The following NSUN6 variants were observed in gnomAD, a reference collection of about 807,000 sequenced individuals.
The protein encoded by NSUN6 is NOP2/Sun RNA methyltransferase 6.
Under a neutral mutation model 58.0 loss-of-function variants are expected in NSUN6, and 64 were observed. The observed-to-expected ratio is 1.10, with a 90% CI of 0.90 to 1.36. NSUN6 has a LOEUF of 1.36. NSUN6 is among the 40% of genes most tolerant of loss of function. The probability of loss-of-function intolerance (pLI) is 0.00; values close to 1 mark genes in which losing one functional copy is unlikely to be tolerated. For synonymous variants in NSUN6, 231 were observed against 193.9 expected, an observed-to-expected ratio of 1.19 and a Z score of -1.59; for missense variants, 701 against 550.1, an observed-to-expected ratio of 1.27 and a Z score of -2.74.
At chr10:18,658,388 G>A (rs1230704929), upstream of NSUN6, 1 of 152,200 alleles carries the variant, frequency 6.6e-6, no homozygotes, top group Non-Finnish European at 1.5e-5. Flanking sequence ...CCATCTGACT[G>A]AAGTCAGAGT....
At chr10:18,571,773 TCCATTCCATTCTCCATA>T (rs1331576371) in intron 8 of NSUN6, among the ~76,000 whole-genome samples, 1 of 151,644 alleles carries the variant, frequency 6.6e-6, no homozygotes, top group African/African-American at 2.4e-5. Context: ...CATTCTCCAT[TCCATTCCATTCTCCATA>T]CCATCCTCCA....
intron 8 of NSUN6, among the ~76,000 whole-genome samples, chr10:18,573,633 C>T (rs1330639235): frequency 1.3e-5 from 2 of 152,162 alleles, no homozygotes; most frequent in Admixed American, 6.6e-5. Flanking sequence ...GGATGACCTT[C>T]TCAAATCTGA....
chr10:18,572,780 CTCCAT>C lies in NSUN6; in HGVS notation c.922+13164_922+13168del, dbSNP rs562532856. 1.8e-3 allele frequency among the ~76,000 whole-genome samples: 277 copies of C among 149,792 alleles called. 2 individuals carry two copies. The highest frequency in any genetic ancestry group is 6.5e-3 in the African/African-American group (267 of 40,826). On this transcript the variant is annotated intron_variant, in intron 8 of 10. Coordinates refer to ENST00000377304, the MANE Select transcript of NSUN6 (RefSeq NM_182543.5). ...ATTCCATTCCCCATTCCATTTCAAA[CTCCAT>C]TCCATTCCATTCCATACTCCATTCC... is the stretch of plus-strand genomic sequence containing the variant.
At chr10:18,644,847 A>G (rs1231974461) in intron 2 of NSUN6, among the ~76,000 whole-genome samples, 1 of 149,398 alleles carries the variant, frequency 6.7e-6, no homozygotes, top group Admixed American at 6.7e-5. Context: ...CTCAAAAAAA[A>G]AACAAAAAAA....
chr10:18,653,021 T>C, upstream of NSUN6: 9 of 984,800 alleles, frequency 9.1e-6, no homozygotes, highest in Non-Finnish European at 1.1e-5. Flanking sequence ...ATGAGATTCT[T>C]TCATGGCTAA....
chr10:18,651,686 A>T (rs1188757822), upstream of NSUN6: 1 of 985,698 alleles, frequency 1.0e-6, no homozygotes, highest in African/African-American at 1.7e-5. Flanking sequence ...CCGGTCCCCC[A>T]ATCCACAGCC....
intron 5 of NSUN6, among the ~76,000 whole-genome samples, chr10:18,612,969 A>G (rs2058289067): frequency 6.6e-6 from 1 of 152,200 alleles, no homozygotes. Flanking sequence ...GTGTTGGTTT[A>G]AAATTTTTTA....
intron 3 of NSUN6, among the ~76,000 whole-genome samples, chr10:18,641,513 G>A (rs1015070879): frequency 4.0e-5 from 6 of 151,608 alleles, no homozygotes; most frequent in Admixed American, 2.0e-4. Flanking sequence ...CGACAGGTAA[G>A]CACCACCATA....
chr10:18,589,350 A>G (rs185167909), intron 7 of NSUN6, among the ~76,000 whole-genome samples: 2 of 152,328 alleles, frequency 1.3e-5, no homozygotes, highest in African/African-American at 4.8e-5. Context: ...ACACTTTAGG[A>G]TATCATCCAG....
At chr10:18,576,953 A>G (rs1478418608) in intron 8 of NSUN6, among the ~76,000 whole-genome samples, 1 of 152,210 alleles carries the variant, frequency 6.6e-6, no homozygotes, top group Non-Finnish European at 1.5e-5. Context: ...TCTCATGTCT[A>G]TTTAGACGCA....
rs1360117899 is a variant in NSUN6 at position 18,557,372 on chromosome 10, T to C, written c.923-5401A>G. ...ATGGAGGATGGTATGGAGAATGAAA[T>C]GGAGTGGAGAGTGGAATGGAAGGGA... On this transcript the variant is annotated intron_variant, in intron 8 of 10. Coordinates refer to ENST00000377304, the MANE Select transcript of NSUN6 (RefSeq NM_182543.5). Among the ~76,000 whole-genome samples, 7 of 143,746 alleles carry C rather than the reference T, an allele frequency of 4.9e-5. No individual in the cohort carries two copies. In the South Asian group the frequency reaches 1.3e-3, roughly 27 times the overall value. The allele number at this position is 143,746 out of a possible 152,430, so 94.3% of individuals were successfully genotyped here. A position where few individuals can be genotyped will look rare whatever the true frequency, so the allele number is the denominator to read the frequency against.
chr10:18,637,110 G>C (rs1486449701), intron 3 of NSUN6, among the ~76,000 whole-genome samples: 1 of 151,642 alleles, frequency 6.6e-6, no homozygotes, highest in Non-Finnish European at 1.5e-5. Context: ...TTATAGGCAT[G>C]CACCACCACA....
intron 6 of NSUN6, among the ~76,000 whole-genome samples, chr10:18,608,077 T>C (rs756640970): frequency 1.8e-4 from 28 of 152,176 alleles, no homozygotes; most frequent in Non-Finnish European, 3.8e-4. Context: ...ATAAAACAGC[T>C]TTCACTAGAG....
intron 8 of NSUN6, among the ~76,000 whole-genome samples, chr10:18,582,586 A>T (rs1234035680): frequency 6.6e-6 from 1 of 152,174 alleles, no homozygotes; most frequent in African/African-American, 2.4e-5. Flanking sequence ...TATGCAAAGG[A>T]TCTCATATTC....
intron 2 of NSUN6, among the ~76,000 whole-genome samples, chr10:18,642,866 A>G (rs2059429467): frequency 6.6e-6 from 1 of 152,240 alleles, no homozygotes. Context: ...AATTACATGT[A>G]GTATTCCTTT....
chr10:18,609,881 T>C lies in NSUN6; in HGVS notation c.621A>G (p.Ser207=), dbSNP rs1443816920. ...RMTEPVYLSP[S]FDSVLPRYLF... ...AGTAACGGGGCAGTACACTGTCAAA[T>C]GAAGGGCTGAGATATACTGGTTCTG... The change falls in exon 6 of 11, where the codon TCA becomes TCG. Residue 207 remains serine, a synonymous_variant. Transcript: ENST00000377304. 1.0e-5 allele frequency: 16 copies of C among 1,605,652 alleles called. No individual in the cohort carries two copies. Among genetic ancestry groups the C allele is most frequent in the African/African-American group, 1.3e-5 (1 of 74,786 alleles).
At chr10:18,568,225 T>A (rs967839831) in intron 8 of NSUN6, among the ~76,000 whole-genome samples, 1 of 151,264 alleles carries the variant, frequency 6.6e-6, no homozygotes, top group Non-Finnish European at 1.5e-5. Context: ...CCGTCCATTA[T>A]CCATTTCATT....
At chr10:18,647,427 A>G (rs1032545703) in intron 2 of NSUN6, among the ~76,000 whole-genome samples, 2 of 152,186 alleles carry the variant, frequency 1.3e-5, no homozygotes, top group African/African-American at 4.8e-5. Flanking sequence ...TACATCCTAC[A>G]TTGCTTTTGA....
chr10:18,565,763 A>G (rs2055878735), intron 8 of NSUN6, among the ~76,000 whole-genome samples: 1 of 144,978 alleles, frequency 6.9e-6, no homozygotes, highest in Non-Finnish European at 1.5e-5. Flanking sequence ...ATTTCATTCC[A>G]TTCCATCCTC....
Sources: allele counts gnomAD v4.1 joint callset (sites outside exome capture counted in the v4.1 genomes callset), GRCh38; gene constraint gnomAD v4.1.1; transcripts MANE v1.5; gene names NCBI Gene and HGNC (gene_info 2026-07-23, HGNC 2026-07-21).